The following RIMS3 variants were observed in gnomAD, a reference collection of about 807,000 sequenced individuals.
RIMS3 encodes the protein regulating synaptic membrane exocytosis protein 3.
RIMS3 carries 15 observed loss-of-function variants against 29.2 expected under a neutral mutation model. That is an observed-to-expected ratio of 0.51 (90% CI 0.34 to 0.79). The LOEUF (loss-of-function observed/expected upper bound fraction) is 0.79, where lower values mean the gene tolerates loss of function less well. RIMS3 is among the 30% of genes least tolerant of loss of function. RIMS3 has a pLI of 0.01. For missense variants in RIMS3, 342 were observed against 421.4 expected (o/e 0.81, Z 1.65); for synonymous variants, 161 against 170.1 (o/e 0.95, Z 0.41).
At chr1:40,668,497 G>GGGA (rs1642453533), upstream of RIMS3, among the ~76,000 whole-genome samples, 1 of 133,886 alleles carries the variant, frequency 7.5e-6, no homozygotes, top group African/African-American at 2.7e-5. Flanking sequence ...TGGGCGGGGG[G>GGGA]GGGGGGGTTG....
chr1:40,681,644 CTTA>C, the RIMS3 span: 1 of 152,124 alleles, frequency 6.6e-6, no homozygotes, highest in African/African-American at 2.4e-5. Flanking sequence ...CATTTTAGCT[CTTA>C]TTATTATCAA....
intron 5 of RIMS3, among the ~76,000 whole-genome samples, chr1:40,632,230 A>AT (rs1210851092): frequency 2.6e-5 from 4 of 151,866 alleles, no homozygotes; most frequent in Admixed American, 2.6e-4. Context: ...GGTGTGCCGC[A>AT]TAATGACATT....
intron 3 of RIMS3, among the ~76,000 whole-genome samples, chr1:40,640,843 CAT>C (rs761561133): frequency 3.3e-5 from 5 of 152,218 alleles, no homozygotes; most frequent in African/African-American, 7.2e-5. Flanking sequence ...CACCTGCACA[CAT>C]GTGACATGTT....
intron 7 of RIMS3, 38 bp from the exon 8 acceptor site, chr1:40,626,767 C>G (rs1646457443): frequency 1.3e-6 from 2 of 1,595,314 alleles, no homozygotes; most frequent in African/African-American, 2.7e-5. Flanking sequence ...GAGCCACCTC[C>G]CTGACTCCAG....
At chr1:40,658,251 A>T (rs1300016247) in intron 1 of RIMS3, among the ~76,000 whole-genome samples, 2 of 152,180 alleles carry the variant, frequency 1.3e-5, no homozygotes, top group Non-Finnish European at 2.9e-5. Context: ...GAGAAAATTC[A>T]GGCTTTCTTC....
intron 1 of RIMS3, among the ~76,000 whole-genome samples, chr1:40,656,987 C>G (rs566119069): frequency 1.3e-5 from 2 of 152,212 alleles, no homozygotes; most frequent in Non-Finnish European, 2.9e-5. Context: ...AGTTCGGGCA[C>G]AGTGCCCCGC....
chr1:40,632,421 TATATATATATATATA>T (rs1646494898), intron 5 of RIMS3, among the ~76,000 whole-genome samples: 2 of 6,312 alleles, frequency 3.2e-4, no homozygotes, highest in Middle Eastern at 0.062. Flanking sequence ...TATAAATTTA[TATATATATATATATA>T]TATATATATA....
At chr1:40,632,966 T>C (rs1292349057) in intron 5 of RIMS3, 103 bp downstream of exon 5, 3 of 870,314 alleles carry the variant, frequency 3.4e-6, no homozygotes, top group East Asian at 4.9e-5. Context: ...GAATTGGTGA[T>C]AGAATAAACT....
At chr1:40,668,297 C>T (rs1425191967), upstream of RIMS3, among the ~76,000 whole-genome samples, 3 of 150,538 alleles carry the variant, frequency 2.0e-5, no homozygotes, top group Admixed American at 2.0e-4. Flanking sequence ...TTGCACACAC[C>T]TGTAGTCCCA....
chr1:40,637,954 C>T (rs1436451204), intron 3 of RIMS3, among the ~76,000 whole-genome samples: 1 of 152,182 alleles, frequency 6.6e-6, no homozygotes, highest in East Asian at 1.9e-4. Flanking sequence ...CCCCACAACA[C>T]ACAGCCTGAG....
At chr1:40,691,972 G>A in the RIMS3 span, 1 of 309,632 alleles carries the variant, frequency 3.2e-6, no homozygotes, top group Non-Finnish European at 6.4e-6. Context: ...TCCTCGCGCG[G>A]CCGCTGCTGT....
chr1:40,627,508 G>A (rs1570168529), intron 7 of RIMS3, among the ~76,000 whole-genome samples: 1 of 152,186 alleles, frequency 6.6e-6, no homozygotes, highest in South Asian at 2.1e-4. Flanking sequence ...GATTACAGGC[G>A]TAAGCCACTG....
In RIMS3 at chr1:40,636,113, G is replaced by T; in HGVS notation, c.218-56C>A. The stretch of plus-strand genomic sequence containing the variant: ...GGGAACAAGGTCAGATTATGAATGG[G>T]GCTTCTCTAAGAGTCCTGCCAAAGT... On this transcript the variant is annotated intron_variant, in intron 3 of 7. Transcript: ENST00000372684. This position sits in a 1 kb window ranked among gnomAD's most constrained non-coding sequence, Gnocchi z 4.2. 1 of 1,593,236 alleles carries T rather than the reference G, an allele frequency of 6.3e-7. No homozygotes were observed. The highest frequency in any genetic ancestry group is 8.5e-7 in the Non-Finnish European group (1 of 1,174,108).
the RIMS3 span, among the ~76,000 whole-genome samples, chr1:40,685,426 TGAGA>T: frequency 2.7e-5 from 4 of 150,110 alleles, no homozygotes; most frequent in Non-Finnish European, 5.9e-5. Context: ...AGGGGAAGAC[TGAGA>T]GAGCCATCGC....
At chr1:40,655,390 G>A (rs1642261156) in intron 1 of RIMS3, among the ~76,000 whole-genome samples, 1 of 152,080 alleles carries the variant, frequency 6.6e-6, no homozygotes, top group Admixed American at 6.5e-5. Flanking sequence ...TCAGAGATGA[G>A]GGGGCATCCT....
At chr1:40,691,834 G>A in the RIMS3 span, 2 of 435,600 alleles carry the variant, frequency 4.6e-6, no homozygotes, top group Admixed American at 5.0e-5. Context: ...GAGCGCGGGG[G>A]CGGCTCCTGC....
chr1:40,681,383 C>T, the RIMS3 span: 3 of 151,562 alleles, frequency 2.0e-5, no homozygotes, highest in Non-Finnish European at 4.4e-5. Context: ...GACCCCAGAA[C>T]TGCTTTCCTT....
chr1:40,690,338 T>C, the RIMS3 span: 3 of 150,160 alleles, frequency 2.0e-5, no homozygotes, highest in Admixed American at 6.7e-5. Flanking sequence ...ATGCCATTTC[T>C]CATGTCTGAA....
rs752168417 is a variant in RIMS3, at chr1:40,626,695, T to C, written c.749A>G (p.His250Arg). 13 of 1,614,154 alleles carry C rather than the reference T, an allele frequency of 8.1e-6. No homozygotes were observed. The highest frequency in any genetic ancestry group is 1.1e-5 in the South Asian group (1 of 91,080). Residue 250 changes from histidine (H) to arginine (R), a missense_variant, in exon 8 of 8, where the codon CAC (histidine) becomes CGC (arginine). Coordinates refer to ENST00000372684, the MANE Select transcript of RIMS3 (RefSeq NM_014747.3). ...CTGGGCCATGCCCATGAAGCACTTG[T>C]GGTCCATGCGGCCATAGTCTCCCCA... ...IVWGDYGRMD[H>R]KCFMGMAQIM... is the part of the protein sequence containing the mutation.
Sources: allele counts gnomAD v4.1 joint callset (sites outside exome capture counted in the v4.1 genomes callset), GRCh38; gene constraint gnomAD v4.1.1; non-coding constraint Gnocchi (gnomAD v3.1); transcripts MANE v1.5; gene names NCBI Gene and HGNC (gene_info 2026-07-23, HGNC 2026-07-21).